The following MRE11 variants were observed in gnomAD, a reference collection of about 807,000 sequenced individuals.
MRE11 encodes the protein MRE11 double strand break repair nuclease.
A neutral mutation model predicts 91.7 loss-of-function variants in MRE11; 62 were observed. The ratio of observed to expected loss-of-function variants is 0.68; its 90% CI spans 0.55 to 0.84. MRE11 has a LOEUF of 0.84. Among genes scored for constraint, MRE11 ranks in the 40% least tolerant of loss-of-function variants. MRE11 has a pLI of 0.00. For synonymous variants in MRE11, 273 were observed against 271.4 expected, an observed-to-expected ratio of 1.01 and a Z score of -0.06; for missense variants, 796 against 852.9, an observed-to-expected ratio of 0.93 and a Z score of 0.83.
At chr11:94,439,751 T>C (rs1945723566) in intron 16 of MRE11, among the ~76,000 whole-genome samples, 1 of 152,208 alleles carries the variant, frequency 6.6e-6, no homozygotes, top group Admixed American at 6.5e-5. Flanking sequence ...GCAATCATTG[T>C]CCCATCCTAC....
intron 5 of MRE11, 64 bp from the exon 6 acceptor site, chr11:94,478,940 G>C: frequency 2.0e-6 from 3 of 1,528,446 alleles, no homozygotes; most frequent in South Asian, 2.3e-5. Flanking sequence ...CATGAATATC[G>C]TATCACCTGT....
intron 1 of MRE11, among the ~76,000 whole-genome samples, chr11:94,493,414 T>G (rs1253296517): frequency 6.6e-6 from 1 of 152,136 alleles, no homozygotes; most frequent in Non-Finnish European, 1.5e-5. Flanking sequence ...GGAACACCTT[T>G]AAGCACCAGC....
upstream of MRE11, among the ~76,000 whole-genome samples, chr11:94,495,313 T>C (rs536719205): frequency 6.6e-6 from 1 of 152,302 alleles, no homozygotes; most frequent in East Asian, 1.9e-4. Context: ...TTTAATTAAA[T>C]GTAATGCTAC....
intron 19 of MRE11, among the ~76,000 whole-genome samples, chr11:94,426,295 A>C (rs1362706878): frequency 2.6e-5 from 4 of 152,174 alleles, no homozygotes; most frequent in East Asian, 1.9e-4. Context: ...TTCATTCATT[A>C]ATTAATGAAA....
At position 94,485,929 on chromosome 11, in the gene MRE11, A is replaced by C. The variant is rs1386290024; in HGVS notation, c.309T>G (p.Phe103Leu). ...AAGTAAATAAATATACTTACTTACT[A>C]AAACCAAAGTTGACTGACTGATCAC... ...ILSDQSVNFG[F>L]SKFPWVNYQD... Residue 103 changes from phenylalanine (F) to leucine (L), a missense_variant, in exon 4 of 20, where the codon TTT becomes TTG. Physicochemically the swap from Phe to Leu is conservative, Grantham distance 22. Transcript: ENST00000323929. 1.2e-6 allele frequency: 2 copies of C among 1,612,664 alleles called. No individual in the cohort carries two copies. The highest frequency in any genetic ancestry group is 3.3e-5 in the Admixed American group (2 of 60,010).
In MRE11 at chr11:94,478,936, T is replaced by C; in HGVS notation, c.403-60A>G. 1.9e-6 allele frequency: 3 copies of C among 1,552,280 alleles called. No homozygotes were observed. The Admixed American group carries it at 5.0e-5, about 26-fold the overall frequency. On this transcript the variant is annotated intron_variant, in intron 5 of 19. Transcript: ENST00000323929. Reference sequence around the variant, plus strand: ...ATGTAAAAGTAGGTATCTGCATGAATATCGTATCACCTGTTAAAAGCATAC... The same window carrying C: ...ATGTAAAAGTAGGTATCTGCATGAACATCGTATCACCTGTTAAAAGCATAC...
Position 94,420,025 on chromosome 11 carries a change from G to T in MRE11, c.*100C>A. On this transcript the variant is annotated 3_prime_UTR_variant, in exon 20 of 20. Coordinates refer to ENST00000323929, the MANE Select transcript of MRE11 (RefSeq NM_005591.4). ...AGAAATTTCTTACTTATGGAGTTATGCTCAGGAAACAATACTTAAAATCTT... is the reference window on the plus strand; with the variant it reads ...AGAAATTTCTTACTTATGGAGTTATTCTCAGGAAACAATACTTAAAATCTT... 1 of 949,110 alleles carries T rather than the reference G, an allele frequency of 1.1e-6. No homozygotes were observed. Among genetic ancestry groups the T allele is most frequent in the Non-Finnish European group, 1.6e-6 (1 of 617,248 alleles). 58.8% of individuals were successfully genotyped at this position (949,110 alleles called of 1,614,324 possible). A position where few individuals can be genotyped will look rare whatever the true frequency, so the allele number is the denominator to read the frequency against.
At position 94,419,954 on chromosome 11, in the gene MRE11, G is replaced by C; in HGVS notation, c.*171C>G. ...AACAAAGCTCTTACTACAACAACCA[G>C]GTTAAAAAAACAAGGTGAATCAATG... On this transcript the variant is annotated 3_prime_UTR_variant, in exon 20 of 20. Coordinates refer to ENST00000323929, the MANE Select transcript of MRE11 (RefSeq NM_005591.4). 2.0e-6 allele frequency: 1 copy of C among 509,456 alleles called. No homozygotes were observed. The highest frequency in any genetic ancestry group is 3.5e-6 in the Non-Finnish European group (1 of 285,134). 31.6% of individuals were successfully genotyped at this position (509,456 alleles called of 1,614,324 possible).
chr11:94,438,526 G>A (rs1945686762), intron 16 of MRE11, among the ~76,000 whole-genome samples: 1 of 152,084 alleles, frequency 6.6e-6, no homozygotes, highest in African/African-American at 2.4e-5. Context: ...AAAAAATCCA[G>A]TGATCATGAT....
chr11:94,456,440 G>A, intron 13 of MRE11, 102 bp from the exon 14 acceptor site: 1 of 905,878 alleles, frequency 1.1e-6, no homozygotes, highest in South Asian at 1.5e-5. Context: ...TATAAAACTT[G>A]CAAATTTAAC....
chr11:94,512,291 A>G, the MRE11 span: 16 of 391,742 alleles, frequency 4.1e-5, no homozygotes, highest in Admixed American at 1.8e-4. Context: ...GAAATTAACA[A>G]TAAATTAACG....
chr11:94,481,826 A>G (rs79203327), intron 4 of MRE11, among the ~76,000 whole-genome samples: 4,427 of 152,072 alleles, frequency 0.029, 232 homozygotes, highest in African/African-American at 0.1. Context: ...TTGGCTACTA[A>G]CTCCTTAGTA....
At chr11:94,470,377 T>C in intron 9 of MRE11, 94 bp downstream of exon 9, 2 of 1,261,834 alleles carry the variant, frequency 1.6e-6, no homozygotes, top group Middle Eastern at 2.7e-4. Flanking sequence ...GTAATCAACA[T>C]AAAGGCTTCC....
chr11:94,421,705 T>C (rs1451914538), intron 19 of MRE11, among the ~76,000 whole-genome samples: 1 of 152,204 alleles, frequency 6.6e-6, no homozygotes, highest in South Asian at 2.1e-4. Flanking sequence ...ACAGGGAACA[T>C]GGCAGCAGCA....
chr11:94,472,199 G>C lies in MRE11; in HGVS notation c.660-440C>G, dbSNP rs150309178. 1.3e-4 allele frequency among the ~76,000 whole-genome samples: 20 copies of C among 151,778 alleles called. No homozygotes were observed. In the East Asian group the frequency reaches 3.9e-3, roughly 29 times the overall value. ...TATCTTTTTACTAATAAATATAATG[G>C]GAGTAAAAACATCAATCTCACATAA... is the stretch of plus-strand genomic sequence containing the variant. On this transcript the variant is annotated intron_variant, in intron 7 of 19. Transcript: ENST00000323929.
At chr11:94,512,370 C>T in the MRE11 span, 1 of 640,292 alleles carries the variant, frequency 1.6e-6, no homozygotes, top group Non-Finnish European at 2.2e-6. Flanking sequence ...ACTTCAGCAC[C>T]TTCTTTGGTG....
intron 14 of MRE11, 93 bp downstream of exon 14, chr11:94,456,183 G>T: frequency 8.4e-7 from 1 of 1,193,566 alleles, no homozygotes; most frequent in Non-Finnish European, 1.2e-6. Context: ...CTATCCCCTA[G>T]ACCTATGGAC....
intron 18 of MRE11, among the ~76,000 whole-genome samples, chr11:94,435,119 G>T (rs1945567884): frequency 1.3e-5 from 2 of 152,190 alleles, no homozygotes; most frequent in Admixed American, 6.5e-5. Context: ...CTGAGTCTAC[G>T]TGATCCCCTT....
At chr11:94,480,271 T>C (rs1222142515) in intron 4 of MRE11, among the ~76,000 whole-genome samples, 2 of 152,212 alleles carry the variant, frequency 1.3e-5, no homozygotes, top group African/African-American at 4.8e-5. Context: ...AAGGATCCTA[T>C]ACCTATCCAC....
Sources: allele counts gnomAD v4.1 joint callset (sites outside exome capture counted in the v4.1 genomes callset), GRCh38; gene constraint gnomAD v4.1.1; transcripts MANE v1.5; gene names NCBI Gene and HGNC (gene_info 2026-07-23, HGNC 2026-07-21).